NEXN: variants seen among roughly 807,000 people sequenced by gnomAD.
The protein encoded by NEXN is nexilin F-actin binding protein.
A neutral mutation model predicts 92.6 loss-of-function variants in NEXN; 65 were observed. The observed-to-expected ratio is 0.70, with a 90% CI of 0.57 to 0.86. The LOEUF (loss-of-function observed/expected upper bound fraction) is 0.86, where lower values mean the gene tolerates loss of function less well. Ranked by LOEUF, NEXN falls within the 40% of genes least tolerant of loss-of-function variation. The pLI is 0.00. For synonymous variants in NEXN, 254 were observed against 242.5 expected (o/e 1.05, Z -0.44); for missense variants, 778 against 771.1 (o/e 1.01, Z -0.11).
At chr1:77,923,803 G>A (rs1006289055) in intron 5 of NEXN, among the ~76,000 whole-genome samples, 39 of 149,850 alleles carry the variant, frequency 2.6e-4, no homozygotes, top group African/African-American at 8.6e-4. Context: ...CCAGCCTCCC[G>A]AGTAGCTGGG....
chr1:77,917,444 A>C (rs1649062072), intron 2 of NEXN, 122 bp from the exon 3 acceptor site: 12 of 776,260 alleles, frequency 1.5e-5, no homozygotes, highest in Middle Eastern at 3.6e-4. Flanking sequence ...TAAAGGGTTC[A>C]AACACATTTC....
Position 77,943,558 on chromosome 1 carries a change from A to G in NEXN, c.*729A>G, listed in dbSNP as rs376331792. 1 of 152,134 alleles carries G rather than the reference A, an allele frequency of 6.6e-6. No homozygotes were observed. Among genetic ancestry groups the G allele is most frequent in the Non-Finnish European group, 1.5e-5 (1 of 68,012 alleles). The allele number at this position is 152,134 out of a possible 1,614,324, so 9.4% of individuals were successfully genotyped here. On this transcript the variant is annotated 3_prime_UTR_variant, in exon 13 of 13. Coordinates refer to ENST00000334785, the MANE Select transcript of NEXN (RefSeq NM_144573.4). ...TACAGTGTTGAGTGTTGAGGATATTAAACATGTTATTTTTCAAACGTATGT... is the reference window on the plus strand; with the variant it reads ...TACAGTGTTGAGTGTTGAGGATATTGAACATGTTATTTTTCAAACGTATGT...
chr1:77,915,625 C>T (rs950388627), intron 1 of NEXN, among the ~76,000 whole-genome samples: 1 of 152,092 alleles, frequency 6.6e-6, no homozygotes, highest in Non-Finnish European at 1.5e-5. Context: ...GAGATTTCAT[C>T]TCAAAACAAA....
intron 1 of NEXN, among the ~76,000 whole-genome samples, chr1:77,898,804 CA>C (rs1647441639): frequency 6.6e-6 from 1 of 152,040 alleles, no homozygotes; most frequent in Non-Finnish European, 1.5e-5. Flanking sequence ...TGAACTCAAA[CA>C]AATTTACAAG....
chr1:77,924,857 G>A (rs1313783468), intron 5 of NEXN, among the ~76,000 whole-genome samples: 7 of 151,946 alleles, frequency 4.6e-5, no homozygotes, highest in African/African-American at 1.7e-4. Context: ...AAGGGATCTC[G>A]CCATGTTGCC....
At chr1:77,897,549 TATC>T in intron 1 of NEXN, among the ~76,000 whole-genome samples, 1 of 146,204 alleles carries the variant, frequency 6.8e-6, no homozygotes, top group Admixed American at 6.9e-5. Flanking sequence ...CCACAGCCAA[TATC>T]ATACTGAATG....
Position 77,917,762 on chromosome 1 carries a change from T to C in NEXN, c.219+5T>C. The C allele has an allele frequency of 6.3e-7, 1 of 1,598,432 alleles. No homozygotes were observed. Among genetic ancestry groups the C allele is most frequent in the South Asian group, 1.1e-5 (1 of 90,286 alleles). On this transcript the variant is annotated splice_donor_5th_base_variant and intron_variant, in intron 3 of 12. Transcript: ENST00000334785. ...TGGAACAGGAGAAAGCAGGAGGTTA[T>C]TTTATTTTACTTTATTCTCGTGAAA...
intron 12 of NEXN, 106 bp from the exon 13 acceptor site, chr1:77,942,355 T>G: frequency 2.9e-6 from 4 of 1,387,290 alleles, no homozygotes; most frequent in Non-Finnish European, 4.1e-6. Context: ...TAGGCACACT[T>G]GTATGTTCTT....
intron 1 of NEXN, among the ~76,000 whole-genome samples, chr1:77,899,457 A>G (rs922057689): frequency 6.6e-6 from 1 of 152,102 alleles, no homozygotes; most frequent in Non-Finnish European, 1.5e-5. Flanking sequence ...GAATTGAACA[A>G]TGAGAACACA....
chr1:77,923,679 CTTTT>C (rs67301412), intron 5 of NEXN, among the ~76,000 whole-genome samples: 3 of 83,118 alleles, frequency 3.6e-5, no homozygotes, highest in Non-Finnish European at 5.0e-5. Flanking sequence ...ATTGAGCTCT[CTTTT>C]TTTTTTTTTT....
chr1:77,942,469 AGAGGAG>A lies in NEXN; in HGVS notation c.1677_1682del (p.Glu561_Glu562del), dbSNP rs397517848. 1.4e-4 allele frequency: 219 copies of A among 1,613,610 alleles called. 1 individual carries two copies. The African/African-American group carries it at 2.5e-3, about 19-fold the overall frequency. The stretch of plus-strand genomic sequence containing the variant: ...CATTTATTTTAATACAGAAAAGAGA[AGAGGAG>A]GAGGAGGAAGAAGGTAGCATCATGA... On this transcript the variant is annotated inframe_deletion, in exon 13 of 13. Coordinates refer to ENST00000334785, the MANE Select transcript of NEXN (RefSeq NM_144573.4).
intron 11 of NEXN, among the ~76,000 whole-genome samples, chr1:77,940,165 T>A (rs1651141430): frequency 6.6e-6 from 1 of 152,232 alleles, no homozygotes; most frequent in South Asian, 2.1e-4. Flanking sequence ...CCAGCTCCTG[T>A]AGCACTTAAA....
intron 1 of NEXN, among the ~76,000 whole-genome samples, chr1:77,897,781 C>G (rs2102038920): frequency 6.6e-6 from 1 of 152,316 alleles, no homozygotes; most frequent in South Asian, 2.1e-4. Flanking sequence ...AGCCCAAAAT[C>G]TCCTTAAGCT....
chr1:77,905,064 C>A (rs891645418), intron 1 of NEXN, among the ~76,000 whole-genome samples: 4 of 151,022 alleles, frequency 2.6e-5, no homozygotes, highest in African/African-American at 9.7e-5. Flanking sequence ...GAGATAGAGA[C>A]CATCCTTGCC....
Position 77,917,726 on chromosome 1 carries a change from G to A in NEXN, c.188G>A (p.Arg63Lys). The change falls in exon 3 of 13, where the codon AGA becomes AAA. Residue 63 changes from arginine to lysine, a missense_variant. Around this residue, in one of 3 missense-constraint regions of NEXN, gnomAD observed 236 missense variants for 265.6 expected, o/e 0.89. Transcript: ENST00000334785. ...EKQRRKEQYI[R>K]EREWNRRKQE... ...CAAAGAAGAAAAGAACAATATATTA[G>A]AGAGAGAGAATGGAACAGGAGAAAG... 1 of 1,609,184 alleles carries A rather than the reference G, an allele frequency of 6.2e-7. No individual in the cohort carries two copies. The highest frequency in any genetic ancestry group is 1.1e-5 in the South Asian group (1 of 90,710).
At chr1:77,892,175 G>A (rs1429804765) in intron 1 of NEXN, among the ~76,000 whole-genome samples, 1 of 152,024 alleles carries the variant, frequency 6.6e-6, no homozygotes, top group Non-Finnish European at 1.5e-5. Flanking sequence ...TTAAAAATTG[G>A]AAAATCTGGG....
At chr1:77,894,471 C>T (rs1461975198) in intron 1 of NEXN, among the ~76,000 whole-genome samples, 1 of 151,966 alleles carries the variant, frequency 6.6e-6, no homozygotes, top group Admixed American at 6.6e-5. Context: ...GACAGGGTCT[C>T]GATCTTTCAC....
intron 1 of NEXN, among the ~76,000 whole-genome samples, chr1:77,914,720 G>A (rs1203761691): frequency 6.6e-6 from 1 of 151,934 alleles, no homozygotes; most frequent in East Asian, 1.9e-4. Flanking sequence ...AGCTGGGTGT[G>A]GTGGTGGGAG....
chr1:77,941,450 C>T (rs994654561), intron 11 of NEXN, among the ~76,000 whole-genome samples: 1 of 152,056 alleles, frequency 6.6e-6, no homozygotes, highest in Non-Finnish European at 1.5e-5. Context: ...ATGACTCAAA[C>T]ATATTTTACT....
Sources: gnomAD v4.1 joint callset for allele counts (sites outside exome capture counted in the v4.1 genomes callset) on GRCh38, gnomAD v4.1.1 for gene constraint, gnomAD v4.1.1 regional missense constraint, MANE v1.5 for transcripts, NCBI Gene and HGNC (gene_info 2026-07-23, HGNC 2026-07-21) for gene names.